Variants in GRIP1 observed in about 807,000 individuals in gnomAD.
The protein encoded by GRIP1 is glutamate receptor interacting protein 1, also known as glutamate receptor-interacting protein 1.
Under a neutral mutation model 129.9 loss-of-function variants are expected in GRIP1, and 45 were observed. That is an observed-to-expected ratio of 0.35 (90% CI 0.27 to 0.44). GRIP1 has a LOEUF of 0.44. Among genes scored for constraint, GRIP1 ranks in the 20% least tolerant of loss-of-function variants. The pLI, the probability that GRIP1 is intolerant of heterozygous loss-of-function variation, is 1.00. For missense variants in GRIP1, 1,196 were observed against 1,396.8 expected (o/e 0.86, Z 2.29); for synonymous variants, 530 against 520.8 (o/e 1.02, Z -0.24).
intron 19 of GRIP1, among the ~76,000 whole-genome samples, chr12:66,384,872 A>G (rs1237902924): frequency 6.6e-6 from 1 of 152,248 alleles, no homozygotes; most frequent in East Asian, 1.9e-4. Context: ...AAAATCTTCA[A>G]ATCAGCTAAA....
intron 1 of GRIP1, among the ~76,000 whole-genome samples, chr12:66,731,281 G>T (rs2036428348): frequency 6.6e-6 from 1 of 152,144 alleles, no homozygotes; most frequent in Non-Finnish European, 1.5e-5. Flanking sequence ...AACCACTTTT[G>T]GACTATCATT....
At chr12:66,506,609 T>A (rs758144308) in intron 7 of GRIP1, among the ~76,000 whole-genome samples, 11 of 152,186 alleles carry the variant, frequency 7.2e-5, no homozygotes, top group Non-Finnish European at 1.3e-4. Context: ...GGAGAACACA[T>A]AAATGAAAAT....
chr12:66,966,937 T>C (rs2042006249), intron 1 of GRIP1, among the ~76,000 whole-genome samples: 1 of 152,214 alleles, frequency 6.6e-6, no homozygotes, highest in South Asian at 2.1e-4. Context: ...ACCACTTTCT[T>C]GAGAGTGAAG....
chr12:66,657,522 T>C (rs1408791702), intron 1 of GRIP1, among the ~76,000 whole-genome samples: 4 of 152,224 alleles, frequency 2.6e-5, no homozygotes, highest in Non-Finnish European at 5.9e-5. Context: ...TTAGATAAAA[T>C]AGATCTTTCA....
chr12:66,682,120 C>A (rs2034607918), upstream of GRIP1, among the ~76,000 whole-genome samples: 1 of 152,146 alleles, frequency 6.6e-6, no homozygotes, highest in Non-Finnish European at 1.5e-5. Context: ...TTCACTGCTT[C>A]CTTGCCACCA....
chr12:66,632,058 T>C (rs2030850203), intron 1 of GRIP1, among the ~76,000 whole-genome samples: 1 of 152,144 alleles, frequency 6.6e-6, no homozygotes, highest in Non-Finnish European at 1.5e-5. Context: ...TTGGTTATTT[T>C]ACCATGGTTC....
intron 1 of GRIP1, among the ~76,000 whole-genome samples, chr12:66,708,064 G>T (rs1463311519): frequency 6.6e-6 from 1 of 151,944 alleles, no homozygotes; most frequent in Non-Finnish European, 1.5e-5. Context: ...GCTGTTAATA[G>T]TCTAAAAGGA....
intron 1 of GRIP1, among the ~76,000 whole-genome samples, chr12:66,699,881 C>T (rs73128871): frequency 0.13 from 20,012 of 151,920 alleles, 1,433 homozygotes; most frequent in Non-Finnish European, 0.15. Context: ...GAATGAAGGG[C>T]GGGAAGGAGT....
chr12:66,854,375 T>G (rs922781294), intron 1 of GRIP1, among the ~76,000 whole-genome samples: 2 of 151,914 alleles, frequency 1.3e-5, no homozygotes, highest in Non-Finnish European at 2.9e-5. Context: ...ACAGACAGCC[T>G]TGTACGCCTC....
rs763271234 is a variant in GRIP1, at chr12:66,685,689, G to A, written c.-419-55353C>T. ...GCGCACAGCAGCTAGGTTAGATCAAGGGAAGAAATTAGATTTCTAAAACAG... is the reference window on the plus strand; with the variant it reads ...GCGCACAGCAGCTAGGTTAGATCAAAGGAAGAAATTAGATTTCTAAAACAG... On this transcript the variant is annotated intron_variant, in intron 1 of 4. Coordinates refer to the GRIP1 transcript ENST00000538373. Among the ~76,000 whole-genome samples the A allele has an allele frequency of 9.9e-5, 15 of 152,120 alleles. 1 individual carries two copies. Among genetic ancestry groups the A allele is most frequent in the South Asian group, 8.3e-4 (4 of 4,824 alleles).
intron 7 of GRIP1, among the ~76,000 whole-genome samples, chr12:66,484,045 G>C (rs1038761013): frequency 6.6e-6 from 1 of 151,826 alleles, no homozygotes; most frequent in African/African-American, 2.4e-5. Context: ...ATTTTTAGTA[G>C]AGACGGGGTT....
At chr12:66,461,055 C>T (rs531550710) in intron 9 of GRIP1, among the ~76,000 whole-genome samples, 1 of 152,244 alleles carries the variant, frequency 6.6e-6, no homozygotes, top group South Asian at 2.1e-4. Flanking sequence ...AGTTTCCTAT[C>T]CCTGCAACAC....
intron 1 of GRIP1, among the ~76,000 whole-genome samples, chr12:67,014,618 G>GT (rs2042757409): frequency 6.6e-6 from 1 of 151,934 alleles, no homozygotes; most frequent in African/African-American, 2.4e-5. Context: ...CACAAAGGGG[G>GT]TTCTGTGGTC....
At chr12:66,809,309 T>C (rs2039057943) in intron 1 of GRIP1, among the ~76,000 whole-genome samples, 1 of 152,224 alleles carries the variant, frequency 6.6e-6, no homozygotes, top group African/African-American at 2.4e-5. Flanking sequence ...TTCCCTTCAA[T>C]GCATAATTAA....
At chr12:67,050,848 T>A (rs1340521198) in intron 1 of GRIP1, among the ~76,000 whole-genome samples, 1 of 152,148 alleles carries the variant, frequency 6.6e-6, no homozygotes, top group Non-Finnish European at 1.5e-5. Flanking sequence ...TGAACTTTCA[T>A]ATAAACAAAC....
At chr12:66,615,873 T>C (rs977289399) in intron 1 of GRIP1, among the ~76,000 whole-genome samples, 4 of 151,978 alleles carry the variant, frequency 2.6e-5, no homozygotes, top group African/African-American at 9.7e-5. Context: ...TCGAACTCCT[T>C]ACCTCAGGTG....
chr12:66,615,979 G>A (rs2065024140), intron 1 of GRIP1, among the ~76,000 whole-genome samples: 1 of 152,144 alleles, frequency 6.6e-6, no homozygotes, highest in Admixed American at 6.6e-5. Context: ...CACGATGCCT[G>A]CATTCAAACG....
In GRIP1 at chr12:66,915,827, C is replaced by T. The variant is rs575117092; in HGVS notation, c.58+153223G>A. ...ACTGAGTTAGACATTGGGGATGAGA[C>T]GAGGAAGAAAATATAGTTCTCCCTT... On this transcript the variant is annotated intron_variant, in intron 1 of 1. Coordinates refer to the GRIP1 transcript ENST00000643019. Among the ~76,000 whole-genome samples, 5 of 152,198 alleles carry T rather than the reference C, an allele frequency of 3.3e-5. No homozygotes were observed. The South Asian group carries it at 6.2e-4, about 19-fold the overall frequency.
At chr12:66,737,844 G>T (rs1022414625) in intron 1 of GRIP1, among the ~76,000 whole-genome samples, 1 of 152,146 alleles carries the variant, frequency 6.6e-6, no homozygotes, top group Non-Finnish European at 1.5e-5. Flanking sequence ...TTATGCCCAC[G>T]TGAATTTGAA....
Sources: gnomAD v4.1 joint callset for allele counts (sites outside exome capture counted in the v4.1 genomes callset) on GRCh38, gnomAD v4.1.1 for gene constraint, MANE v1.5 for transcripts, NCBI Gene and HGNC (gene_info 2026-07-23, HGNC 2026-07-21) for gene names.